Variants in NID2 observed in about 807,000 individuals in gnomAD.
The protein encoded by NID2 is nidogen 2.
NID2 carries 83 observed loss-of-function variants against 145.4 expected under a neutral mutation model. The observed-to-expected ratio is 0.57, with a 90% CI of 0.48 to 0.69. The LOEUF is 0.69. Ranked by LOEUF, NID2 falls within the 30% of genes least tolerant of loss-of-function variation. The pLI, the probability that NID2 is intolerant of heterozygous loss-of-function variation, is 0.00. For missense variants in NID2, 1,807 were observed against 1,765.7 expected, an observed-to-expected ratio of 1.02 and a Z score of -0.42; for synonymous variants, 739 against 701.3, an observed-to-expected ratio of 1.05 and a Z score of -0.85.
In NID2 at chr14:52,038,758, C is replaced by A. The variant is rs776745269; in HGVS notation, c.2246G>T (p.Gly749Val). ...AAAGGAAACCTTACCTTTGACCGGG[C>A]CAATTTGATTGGTCACAGCAAATCT... ...VLRFAVTNQIGPVKEDSDPTP... is the reference protein window; with the variant it reads ...VLRFAVTNQIVPVKEDSDPTP... Residue 749 changes from glycine (G) to valine (V), a missense_variant, in exon 9 of 22, where the codon GGC (glycine) becomes GTC (valine). Physicochemically the swap from Gly to Val is moderately radical, Grantham distance 109. Coordinates refer to ENST00000216286, the MANE Select transcript of NID2 (RefSeq NM_007361.4). The A allele has an allele frequency of 5.7e-6, 9 of 1,575,924 alleles. No homozygotes were observed. Among genetic ancestry groups the A allele is most frequent in the African/African-American group, 2.7e-5 (2 of 73,394 alleles).
Position 52,042,268 on chromosome 14 carries a change from C to T in NID2, c.1662G>A (p.Leu554=), listed in dbSNP as rs763461550. 6.2e-7 allele frequency: 1 copy of T among 1,614,236 alleles called. No individual in the cohort carries two copies. Among genetic ancestry groups the T allele is most frequent in the Non-Finnish European group, 8.5e-7 (1 of 1,180,034 alleles). The change falls in exon 7 of 22, where the codon CTG becomes CTA. Residue 554 remains leucine, a synonymous_variant. Transcript: ENST00000216286. ...CATCATTGCCCACGATATACGCATG[C>T]AGGTCCACATCAGTGAAGTGCACGG... ...HTPVHFTDVD[L]HAYIVGNDGR... is the part of the protein sequence containing the mutation.
chr14:52,022,514 C>T (rs1891437968), intron 12 of NID2, among the ~76,000 whole-genome samples: 1 of 152,060 alleles, frequency 6.6e-6, no homozygotes, highest in Non-Finnish European at 1.5e-5. Context: ...AAGGGAGGAA[C>T]TTTATTGGAG....
At chr14:52,058,607 G>C (rs915829801) in intron 3 of NID2, among the ~76,000 whole-genome samples, 4 of 152,134 alleles carry the variant, frequency 2.6e-5, no homozygotes, top group Non-Finnish European at 5.9e-5. Context: ...AGTTCCAAGA[G>C]ACCTTTATGG....
intron 12 of NID2, among the ~76,000 whole-genome samples, chr14:52,023,436 T>C (rs112195968): frequency 0.24 from 36,307 of 150,936 alleles, 4,417 homozygotes; most frequent in African/African-American, 0.25. Context: ...GCCTGGGTGA[T>C]AAAGTAAGAC....
At position 52,015,383 on chromosome 14, in the gene NID2, CCTA is replaced by C. The variant is rs1322538587; in HGVS notation, c.3029-111_3029-109del. The C allele has an allele frequency of 2.8e-6, 3 of 1,072,020 alleles. No homozygotes were observed. In the African/African-American group the frequency reaches 4.8e-5, roughly 17 times the overall value. The allele number at this position is 1,072,020 out of a possible 1,614,324, so 66.4% of individuals were successfully genotyped here. A position where few individuals can be genotyped will look rare whatever the true frequency, so the allele number is the denominator to read the frequency against. On this transcript the variant is annotated intron_variant, in intron 14 of 21. Coordinates refer to ENST00000216286, the MANE Select transcript of NID2 (RefSeq NM_007361.4). ...TGCCTGGCCTCCTGGCCTTCCTTCT[CCTA>C]CTGTCCAGGTCTCAGCCAAGCCCGT...
At chr14:52,046,003 A>G (rs1226399910) in intron 5 of NID2, among the ~76,000 whole-genome samples, 1 of 152,178 alleles carries the variant, frequency 6.6e-6, no homozygotes, top group African/African-American at 2.4e-5. Flanking sequence ...AACACCAAGT[A>G]AAAAGGCAAT....
chr14:52,013,405 A>G (rs1460221697), intron 16 of NID2, among the ~76,000 whole-genome samples: 1 of 152,208 alleles, frequency 6.6e-6, no homozygotes, highest in Non-Finnish European at 1.5e-5. Context: ...ACAAACTCGA[A>G]TCTTAAAAAG....
At chr14:52,037,953 C>T (rs1296774729) in intron 9 of NID2, among the ~76,000 whole-genome samples, 1 of 152,192 alleles carries the variant, frequency 6.6e-6, no homozygotes, top group Non-Finnish European at 1.5e-5. Context: ...GTGTACTGAT[C>T]TTGCATATCT....
Position 52,066,889 on chromosome 14 carries a change from A to G in NID2, c.534+969T>C, listed in dbSNP as rs370689293. 1.3e-3 allele frequency among the ~76,000 whole-genome samples: 199 copies of G among 152,302 alleles called. 2 individuals are homozygous for G. The highest frequency in any genetic ancestry group is 4.7e-3 in the African/African-American group (195 of 41,562). On this transcript the variant is annotated intron_variant, in intron 2 of 21. Transcript: ENST00000216286. ...GCTGGCCCCACTCATATCCATTTGGAGGACTTCAAATGTTGATGACAAGAC... is the reference window on the plus strand; with the variant it reads ...GCTGGCCCCACTCATATCCATTTGGGGGACTTCAAATGTTGATGACAAGAC...
intron 8 of NID2, among the ~76,000 whole-genome samples, chr14:52,039,888 CT>C (rs1411594001): frequency 6.6e-6 from 1 of 152,216 alleles, no homozygotes; most frequent in Non-Finnish European, 1.5e-5. Flanking sequence ...AAATTCTTAT[CT>C]TTTGACTCCA....
Position 52,030,594 on chromosome 14 carries a change from GAA to G in NID2, c.2258-906_2258-905del, listed in dbSNP as rs1233786912. ...GAAGGAAGGGAAAGAAAGAAAGAAA[GAA>G]AGAAAGAAAGAGAAAGAAAAAGAAA... On this transcript the variant is annotated intron_variant, in intron 9 of 21. Coordinates refer to ENST00000216286, the MANE Select transcript of NID2 (RefSeq NM_007361.4). 5.3e-4 allele frequency among the ~76,000 whole-genome samples: 41 copies of G among 77,526 alleles called. 2 individuals carry two copies. The highest frequency in any genetic ancestry group is 1.0e-3 in the South Asian group (2 of 1,952). 50.9% of individuals were successfully genotyped at this position (77,526 alleles called of 152,430 possible).
intron 14 of NID2, among the ~76,000 whole-genome samples, chr14:52,018,429 T>C (rs1177875106): frequency 6.6e-6 from 1 of 152,212 alleles, no homozygotes; most frequent in Non-Finnish European, 1.5e-5. Context: ...TTGATCACCA[T>C]GCCCCACCCA....
chr14:52,035,825 C>T (rs12100751), intron 9 of NID2, among the ~76,000 whole-genome samples: 7 of 106,744 alleles, frequency 6.6e-5, no homozygotes, highest in African/African-American at 2.4e-4. Context: ...ACTACAGACA[C>T]ATGCCACCAC....
chr14:52,053,214 A>C (rs1892733135), intron 5 of NID2, among the ~76,000 whole-genome samples: 1 of 152,224 alleles, frequency 6.6e-6, no homozygotes, highest in South Asian at 2.1e-4. Context: ...AAACCCGTCC[A>C]TCACTGGAAT....
At chr14:52,006,813 T>G (rs1667334544) in intron 19 of NID2, 153 bp from the exon 20 acceptor site, 3 of 690,844 alleles carry the variant, frequency 4.3e-6, no homozygotes, top group Non-Finnish European at 4.6e-6. Flanking sequence ...ACCTGTCCTA[T>G]TACTAGTCTC....
Position 52,053,779 on chromosome 14 carries a change from G to C in NID2, c.1229C>G (p.Thr410Ser). Reference protein sequence around the residue: ...DRDSLAPSWETPPPYPENGSI... With the variant: ...DRDSLAPSWESPPPYPENGSI... ...TCCGTTTTCGGGGTACGGTGGTGGGGTTTCCCAGGAAGGAGCCAGTGAATC... is the reference window on the plus strand; with the variant it reads ...TCCGTTTTCGGGGTACGGTGGTGGGCTTTCCCAGGAAGGAGCCAGTGAATC... The change falls in exon 5 of 22, where the codon ACC (threonine) becomes AGC (serine). Residue 410 changes from threonine to serine, a missense_variant. Coordinates refer to ENST00000216286, the MANE Select transcript of NID2 (RefSeq NM_007361.4). 6.2e-7 allele frequency: 1 copy of C among 1,614,204 alleles called. No individual in the cohort carries two copies. The highest frequency in any genetic ancestry group is 8.5e-7 in the Non-Finnish European group (1 of 1,180,036).
At chr14:52,006,028 C>CT (rs1890766446) in intron 20 of NID2, 179 bp from the exon 21 acceptor site, 2 of 589,126 alleles carry the variant, frequency 3.4e-6, no homozygotes, top group Admixed American at 5.4e-5. Context: ...TTGCTCATCT[C>CT]TAGCTGCATG....
chr14:52,066,318 T>C (rs1390755059), intron 2 of NID2, among the ~76,000 whole-genome samples: 2 of 139,158 alleles, frequency 1.4e-5, no homozygotes, highest in African/African-American at 2.8e-5. Flanking sequence ...AGTTAACGGG[T>C]ACCAAAAAAA....
chr14:52,039,207 G>C (rs989892190), intron 8 of NID2, among the ~76,000 whole-genome samples: 1 of 152,168 alleles, frequency 6.6e-6, no homozygotes, highest in Non-Finnish European at 1.5e-5. Context: ...TATACACAAA[G>C]AATAAGTGTT....
Sources: gnomAD v4.1 joint callset for allele counts (sites outside exome capture counted in the v4.1 genomes callset) on GRCh38, gnomAD v4.1.1 for gene constraint, MANE v1.5 for transcripts, NCBI Gene and HGNC (gene_info 2026-07-23, HGNC 2026-07-21) for gene names.